The following NALF1 variants were observed in gnomAD, a reference collection of about 807,000 sequenced individuals.
NALF1 encodes family with sequence similarity 155 member A.
In NALF1, 3 loss-of-function variants were observed where a neutral mutation model predicts 48.4. That is an observed-to-expected ratio of 0.06 (90% CI 0.03 to 0.16). NALF1 has a LOEUF of 0.16. Among genes scored for constraint, NALF1 ranks in the 10% least tolerant of loss-of-function variants. The pLI, the probability that NALF1 is intolerant of heterozygous loss-of-function variation, is 1.00. For synonymous variants in NALF1, 262 were observed against 245.7 expected (o/e 1.07, Z -0.62); for missense variants, 526 against 571.5 (o/e 0.92, Z 0.81).
At chr13:107,462,899 T>A (rs1475784883) in intron 1 of NALF1, among the ~76,000 whole-genome samples, 1 of 152,226 alleles carries the variant, frequency 6.6e-6, no homozygotes, top group Non-Finnish European at 1.5e-5. Flanking sequence ...ATATTTTAAC[T>A]GTTGTAAACC....
chr13:107,660,477 ACACACAC>A (rs1378541019), intron 1 of NALF1, among the ~76,000 whole-genome samples: 47 of 121,336 alleles, frequency 3.9e-4, no homozygotes, highest in African/African-American at 1.7e-3. Flanking sequence ...ACACACACAC[ACACACAC>A]AACAAAGAAA....
At chr13:107,694,044 A>G (rs143386184) in intron 1 of NALF1, among the ~76,000 whole-genome samples, 349 of 152,294 alleles carry the variant, frequency 2.3e-3, no homozygotes, top group African/African-American at 8.0e-3. Flanking sequence ...TACCATCAGA[A>G]AGACAGAACT....
intron 1 of NALF1, among the ~76,000 whole-genome samples, chr13:107,298,944 T>A (rs750621531): frequency 2.0e-5 from 3 of 151,820 alleles, no homozygotes; most frequent in Non-Finnish European, 4.4e-5. Flanking sequence ...ACCATTTTTT[T>A]CCCCTAATGT....
At chr13:107,619,439 C>G (rs142480887) in intron 1 of NALF1, among the ~76,000 whole-genome samples, 37 of 152,262 alleles carry the variant, frequency 2.4e-4, no homozygotes, top group African/African-American at 8.4e-4. Context: ...CATTGCCTTG[C>G]AGCATAGCCA....
chr13:107,725,332 A>G (rs138259322), intron 1 of NALF1, among the ~76,000 whole-genome samples: 1 of 152,322 alleles, frequency 6.6e-6, no homozygotes, highest in East Asian at 1.9e-4. Context: ...AATTATAATA[A>G]TATCTATGAT....
intron 1 of NALF1, among the ~76,000 whole-genome samples, chr13:107,604,413 A>C (rs1165111702): frequency 6.6e-6 from 1 of 152,218 alleles, no homozygotes; most frequent in Non-Finnish European, 1.5e-5. Flanking sequence ...GCATTTTAGA[A>C]GAACCAAAAT....
chr13:107,358,604 T>A (rs1035374489), intron 1 of NALF1, among the ~76,000 whole-genome samples: 3 of 152,120 alleles, frequency 2.0e-5, no homozygotes, highest in African/African-American at 7.2e-5. Context: ...GCATGTTTTT[T>A]AAAGACATTC....
At chr13:107,716,549 C>T (rs971748217) in intron 1 of NALF1, among the ~76,000 whole-genome samples, 5 of 152,192 alleles carry the variant, frequency 3.3e-5, no homozygotes, top group South Asian at 2.1e-4. Context: ...GCTTTCTCTT[C>T]GCTGTCCATG....
intron 1 of NALF1, among the ~76,000 whole-genome samples, chr13:107,614,881 A>T (rs1300915088): frequency 4.0e-5 from 6 of 150,876 alleles, no homozygotes; most frequent in Non-Finnish European, 8.8e-5. Context: ...GGTTCAAGTG[A>T]TTCTCCTGCC....
chr13:107,814,595 T>A (rs936587036), intron 1 of NALF1, among the ~76,000 whole-genome samples: 1 of 152,094 alleles, frequency 6.6e-6, no homozygotes, highest in African/African-American at 2.4e-5. Flanking sequence ...TAAAGAGGGA[T>A]ACTTTATAAT....
intron 1 of NALF1, among the ~76,000 whole-genome samples, chr13:107,590,979 T>C (rs1307540553): frequency 1.3e-5 from 2 of 151,996 alleles, no homozygotes; most frequent in East Asian, 3.9e-4. Flanking sequence ...AAGCATTCTA[T>C]TAGAAACTCT....
intron 1 of NALF1, among the ~76,000 whole-genome samples, chr13:107,387,580 A>G (rs1883551259): frequency 6.6e-6 from 1 of 151,914 alleles, no homozygotes; most frequent in South Asian, 2.1e-4. Context: ...ATGAACCCCC[A>G]CCTCCCAAAA....
intron 1 of NALF1, among the ~76,000 whole-genome samples, chr13:107,834,634 A>G (rs1464740516): frequency 5.9e-5 from 9 of 152,206 alleles, no homozygotes; most frequent in Non-Finnish European, 1.5e-5. Context: ...AGAAAAATTT[A>G]CTGTGATTTT....
Position 107,283,617 on chromosome 13 carries a change from A to ATTATTTAT in NALF1, c.916-72870_916-72863dup, listed in dbSNP as rs71121515. On this transcript the variant is annotated intron_variant, in intron 1 of 2. Transcript: ENST00000375915. ...TCTGGATGAAGCAGAGCGGATCTTCATTATTTATTTATTTATTTATTTATT... is the reference window on the plus strand; with the variant it reads ...TCTGGATGAAGCAGAGCGGATCTTCATTATTTATTTATTTATTTATTTATTTATTTATT... Among the ~76,000 whole-genome samples, 314 of 145,552 alleles carry ATTATTTAT rather than the reference A, an allele frequency of 2.2e-3. 1 individual carries two copies. Among genetic ancestry groups the ATTATTTAT allele is most frequent in the East Asian group, 4.4e-3 (21 of 4,814 alleles).
chr13:107,364,744 A>G (rs148118589), intron 1 of NALF1, among the ~76,000 whole-genome samples: 1 of 152,178 alleles, frequency 6.6e-6, no homozygotes, highest in East Asian at 1.9e-4. Context: ...TAATACAGAA[A>G]GGGGGTCAGA....
intron 1 of NALF1, among the ~76,000 whole-genome samples, chr13:107,237,051 A>T (rs546500620): frequency 6.6e-6 from 1 of 150,852 alleles, no homozygotes; most frequent in African/African-American, 2.4e-5. Context: ...GGGGTCCTGA[A>T]TCAATCCCAC....
At chr13:107,623,161 A>G (rs1363422601) in intron 1 of NALF1, among the ~76,000 whole-genome samples, 4 of 152,188 alleles carry the variant, frequency 2.6e-5, no homozygotes, top group African/African-American at 4.8e-5. Context: ...AAAAAGACAC[A>G]TACACATAGT....
At chr13:107,685,000 C>A (rs1314273381) in intron 1 of NALF1, among the ~76,000 whole-genome samples, 1 of 152,088 alleles carries the variant, frequency 6.6e-6, no homozygotes, top group Non-Finnish European at 1.5e-5. Flanking sequence ...TACTGGTGAC[C>A]GTCTCATCTT....
At chr13:107,393,023 C>T (rs971837146) in intron 1 of NALF1, among the ~76,000 whole-genome samples, 1 of 152,012 alleles carries the variant, frequency 6.6e-6, no homozygotes. Flanking sequence ...AATAATGGCT[C>T]ATTTTAGGAA....
Sources: gnomAD v4.1 joint callset for allele counts (sites outside exome capture counted in the v4.1 genomes callset) on GRCh38, gnomAD v4.1.1 for gene constraint, MANE v1.5 for transcripts, NCBI Gene and HGNC (gene_info 2026-07-23, HGNC 2026-07-21) for gene names.